PLEKHG6: variants seen among roughly 807,000 people sequenced by gnomAD.
PLEKHG6 encodes the protein pleckstrin homology domain-containing family G member 6.
A neutral mutation model predicts 97.5 loss-of-function variants in PLEKHG6; 91 were observed. The ratio of observed to expected loss-of-function variants is 0.93; its 90% CI spans 0.79 to 1.11. The LOEUF is 1.11. PLEKHG6 is among the 50% of genes most tolerant of loss of function. PLEKHG6 has a pLI of 0.00. For synonymous variants in PLEKHG6, 466 were observed against 425.5 expected (o/e 1.10, Z -1.17); for missense variants, 1,044 against 1,031.0 (o/e 1.01, Z -0.17).
intron 1 of PLEKHG6, 101 bp from the exon 2 acceptor site, chr12:6,312,058 A>C (rs1346313878): frequency 1.8e-5 from 9 of 494,408 alleles, no homozygotes; most frequent in East Asian, 7.4e-5. Flanking sequence ...CTCCTCCCCC[A>C]CTATACCCTC....
rs1242974107 is a variant in PLEKHG6 at position 6,328,177 on chromosome 12, C to T, written c.*32C>T. 10 of 1,607,370 alleles carry T rather than the reference C, an allele frequency of 6.2e-6. No homozygotes were observed. The highest frequency in any genetic ancestry group is 8.5e-6 in the Non-Finnish European group (10 of 1,173,976). ...CAGAGGACCTTTGGCATGCATCTCT[C>T]CCAGAGGAGATCTCTCCCCAGTAGT... On this transcript the variant is annotated 3_prime_UTR_variant, in exon 16 of 16. Transcript: ENST00000684764.
At chr12:6,321,021 CTT>C (rs397938337) in intron 13 of PLEKHG6, among the ~76,000 whole-genome samples, 1 of 147,276 alleles carries the variant, frequency 6.8e-6, no homozygotes, top group Non-Finnish European at 1.5e-5. Context: ...ACCGTGAATT[CTT>C]TTTTTTTTTC....
rs778311634 is a variant in PLEKHG6 at position 6,313,226 on chromosome 12, T to C, written c.139-403T>C. ...CCCCATGTGTGAGGGAGGCTGGTCA[T>C]AGACAAGGAGAGTTACGAGAGACCA... On this transcript the variant is annotated intron_variant, in intron 2 of 15. Transcript: ENST00000684764. 7 of 1,530,232 alleles carry C rather than the reference T, an allele frequency of 4.6e-6. No individual in the cohort carries two copies. The South Asian group carries it at 6.0e-5, about 13-fold the overall frequency. The allele number at this position is 1,530,232 out of a possible 1,614,324, so 94.8% of individuals were successfully genotyped here. A position where few individuals can be genotyped will look rare whatever the true frequency, so the allele number is the denominator to read the frequency against.
chr12:6,318,629 T>C, intron 11 of PLEKHG6, 116 bp from the exon 12 acceptor site: 1 of 1,273,486 alleles, frequency 7.9e-7, no homozygotes, highest in South Asian at 1.3e-5. Context: ...ACTCCCGCAT[T>C]TGGGCTCTGC....
At position 6,327,793 on chromosome 12, in the gene PLEKHG6, A is replaced by G; in HGVS notation, c.2210A>G (p.Asp737Gly). ...HTSLRPMRAE[D>G]MLREIREELA... ...TCCCTGCGCCCAATGCGGGCTGAGG[A>G]CATGCTCAGAGAGATCCGGGAGGAG... is the stretch of plus-strand genomic sequence containing the variant. The change falls in exon 15 of 16, where the codon GAC becomes GGC. Residue 737 changes from aspartate to glycine, a missense_variant. Physicochemically the swap from Asp to Gly is moderately conservative, Grantham distance 94. Transcript: ENST00000684764. 1 of 1,522,268 alleles carries G rather than the reference A, an allele frequency of 6.6e-7. No homozygotes were observed. The highest frequency in any genetic ancestry group is 1.3e-5 in the South Asian group (1 of 75,722). The allele number at this position is 1,522,268 out of a possible 1,614,324, so 94.3% of individuals were successfully genotyped here. A position where few individuals can be genotyped will look rare whatever the true frequency, so the allele number is the denominator to read the frequency against.
At chr12:6,326,391 A>T (rs1224445985) in intron 13 of PLEKHG6, 37 bp from the exon 14 acceptor site, 2 of 1,566,434 alleles carry the variant, frequency 1.3e-6, no homozygotes, top group Non-Finnish European at 8.8e-7. Context: ...GTGCTCAATA[A>T]ATGAGAGCTC....
intron 13 of PLEKHG6, among the ~76,000 whole-genome samples, chr12:6,323,427 G>T (rs1019404007): frequency 6.6e-6 from 1 of 152,150 alleles, no homozygotes; most frequent in African/African-American, 2.4e-5. Context: ...CAATCCCCAG[G>T]GGGCAGACTA....
At position 6,316,034 on chromosome 12, in the gene PLEKHG6, C is replaced by A; in HGVS notation, c.606+115C>A. ...TCCCACTGCCCCGTTTTTTGGGATGCCTTGCCCTCCCTACTTCCCTGTTAC... is the reference window on the plus strand; with the variant it reads ...TCCCACTGCCCCGTTTTTTGGGATGACTTGCCCTCCCTACTTCCCTGTTAC... On this transcript the variant is annotated intron_variant, in intron 6 of 15. Transcript: ENST00000684764. This position sits in a 1 kb window ranked among gnomAD's most constrained non-coding sequence, Gnocchi z 4.1. The A allele has an allele frequency of 2.0e-6, 2 of 1,009,802 alleles. No individual in the cohort carries two copies. The highest frequency in any genetic ancestry group is 1.6e-5 in the South Asian group (1 of 61,854). 62.6% of individuals were successfully genotyped at this position (1,009,802 alleles called of 1,614,324 possible). A position where few individuals can be genotyped will look rare whatever the true frequency, so the allele number is the denominator to read the frequency against.
chr12:6,320,678 C>A (rs571896344), intron 13 of PLEKHG6, among the ~76,000 whole-genome samples: 1 of 152,104 alleles, frequency 6.6e-6, no homozygotes, highest in Admixed American at 6.5e-5. Context: ...GACTCTTTTT[C>A]GAAATCAGGT....
At chr12:6,313,828 A>G (rs762898231) in intron 3 of PLEKHG6, 44 bp downstream of exon 3, 8 of 1,502,130 alleles carry the variant, frequency 5.3e-6, no homozygotes, top group African/African-American at 4.2e-5. Flanking sequence ...TACGGCCCCA[A>G]TTGTGATGGC....
intron 13 of PLEKHG6, among the ~76,000 whole-genome samples, chr12:6,323,857 G>A (rs1947779122): frequency 6.6e-6 from 1 of 152,216 alleles, no homozygotes; most frequent in Admixed American, 6.5e-5. Context: ...TGGGGCCTGG[G>A]TAGGGCCTGC....
chr12:6,323,500 A>C (rs1018998289), intron 13 of PLEKHG6, among the ~76,000 whole-genome samples: 1 of 152,224 alleles, frequency 6.6e-6, no homozygotes, highest in African/African-American at 2.4e-5. Flanking sequence ...TCTAGCTGTG[A>C]TGACTCACAC....
At position 6,318,982 on chromosome 12, in the gene PLEKHG6, C is replaced by T; in HGVS notation, c.1409-11C>T. The T allele has an allele frequency of 6.2e-7, 1 of 1,613,014 alleles. No homozygotes were observed. Among genetic ancestry groups the T allele is most frequent in the Non-Finnish European group, 8.5e-7 (1 of 1,179,076 alleles). ...AAGGCTGGCCTCTTGAAGGTTGTCTCCTCCATCCAGACAGCTTCCTGCTGA... is the reference window on the plus strand; with the variant it reads ...AAGGCTGGCCTCTTGAAGGTTGTCTTCTCCATCCAGACAGCTTCCTGCTGA... On this transcript the variant is annotated splice_polypyrimidine_tract_variant and intron_variant, in intron 12 of 15. Transcript: ENST00000684764.
chr12:6,315,574 C>T lies in PLEKHG6; in HGVS notation c.480C>T (p.Cys160=). The change falls in exon 5 of 16, where the codon TGC becomes TGT. Residue 160 remains cysteine, a synonymous_variant. Coordinates refer to ENST00000684764, the MANE Select transcript of PLEKHG6 (RefSeq NM_001384598.1). The surrounding 1 kb of genome is among the most constrained non-coding windows in gnomAD (Gnocchi z 4.5). ...PGHKEMSQEL[C]HQQEALWELL... Reference sequence around the variant, plus strand: ...CCCAGGAGATGAGCCAGGAGCTCTGCCACCAACAGGAGGCCCTGTGGGAGC... The same window carrying T: ...CCCAGGAGATGAGCCAGGAGCTCTGTCACCAACAGGAGGCCCTGTGGGAGC... 1 of 1,579,424 alleles carries T rather than the reference C, an allele frequency of 6.3e-7. No individual in the cohort carries two copies. Among genetic ancestry groups the T allele is most frequent in the Non-Finnish European group, 8.7e-7 (1 of 1,154,238 alleles).
At chr12:6,318,448 G>C in intron 11 of PLEKHG6, 28 bp downstream of exon 11, 1 of 1,580,188 alleles carries the variant, frequency 6.3e-7, no homozygotes, top group Non-Finnish European at 8.6e-7. Context: ...AGAGTGGAGG[G>C]GATGGGGCAC....
At chr12:6,311,372 C>T (rs1277190257) in intron 1 of PLEKHG6, among the ~76,000 whole-genome samples, 1 of 152,156 alleles carries the variant, frequency 6.6e-6, no homozygotes, top group Admixed American at 6.5e-5. Flanking sequence ...GGGCAGTGGC[C>T]GGACAGCTGG....
At chr12:6,318,133 A>AGGG in intron 10 of PLEKHG6, 139 bp downstream of exon 10, 1 of 1,362,676 alleles carries the variant, frequency 7.3e-7, no homozygotes, top group Non-Finnish European at 1.0e-6. Context: ...TGACAGTCCA[A>AGGG]GGGGTACAGG....
At chr12:6,328,002 T>C in intron 15 of PLEKHG6, 56 bp downstream of exon 15, 2 of 1,507,820 alleles carry the variant, frequency 1.3e-6, no homozygotes, top group Non-Finnish European at 1.8e-6. Flanking sequence ...GTCTGTATGG[T>C]GGTGGGGTGT....
Position 6,315,866 on chromosome 12 carries a change from C to G in PLEKHG6, c.556-3C>G. On this transcript the variant is annotated splice_region_variant and splice_polypyrimidine_tract_variant and intron_variant, in intron 5 of 15. Coordinates refer to ENST00000684764, the MANE Select transcript of PLEKHG6 (RefSeq NM_001384598.1). This position sits in a 1 kb window ranked among gnomAD's most constrained non-coding sequence, Gnocchi z 4.5. The stretch of plus-strand genomic sequence containing the variant: ...CCTGAGACCCTCGTCTCCCTCCCTG[C>G]AGCTGCTAGCCGCCGGCCTGCTGAA... The G allele has an allele frequency of 6.4e-7, 1 of 1,562,202 alleles. No individual in the cohort carries two copies. The highest frequency in any genetic ancestry group is 8.7e-7 in the Non-Finnish European group (1 of 1,152,840).
Sources: allele counts gnomAD v4.1 joint callset (sites outside exome capture counted in the v4.1 genomes callset), GRCh38; gene constraint gnomAD v4.1.1; non-coding constraint Gnocchi (gnomAD v3.1); transcripts MANE v1.5; gene names NCBI Gene and HGNC (gene_info 2026-07-23, HGNC 2026-07-21).